Variants in DLGAP2 observed in about 807,000 individuals in gnomAD.
DLGAP2 encodes DLG associated protein 2, also known as disks large-associated protein 2.
A neutral mutation model predicts 100.3 loss-of-function variants in DLGAP2; 26 were observed. That is an observed-to-expected ratio of 0.26 (90% confidence interval 0.19 to 0.36). DLGAP2 has a LOEUF of 0.36. Ranked by LOEUF, DLGAP2 falls within the 10% of genes least tolerant of loss-of-function variation. DLGAP2 has a pLI of 1.00. For missense variants in DLGAP2, 1,858 were observed against 1,453.2 expected, an observed-to-expected ratio of 1.28 and a Z score of -4.53; for synonymous variants, 886 against 630.1, an observed-to-expected ratio of 1.41 and a Z score of -6.08.
chr8:1,378,773 C>G (rs989700453), intron 3 of DLGAP2, among the ~76,000 whole-genome samples: 1 of 152,206 alleles, frequency 6.6e-6, no homozygotes, highest in African/African-American at 2.4e-5. Context: ...TTCAGTCTTT[C>G]CTTATGCAGT....
At chr8:1,660,740 A>T (rs899681752) in intron 8 of DLGAP2, among the ~76,000 whole-genome samples, 1 of 152,238 alleles carries the variant, frequency 6.6e-6, no homozygotes, top group African/African-American at 2.4e-5. Flanking sequence ...TCCTACCAGG[A>T]CACATATTCC....
intron 4 of DLGAP2, among the ~76,000 whole-genome samples, chr8:1,533,217 A>C (rs1207796290): frequency 6.6e-6 from 1 of 152,024 alleles, no homozygotes; most frequent in Non-Finnish European, 1.5e-5. Context: ...TATGTTTTTC[A>C]ACCGGGCGCA....
rs765834271 is a variant in DLGAP2 at position 1,678,622 on chromosome 8, G to A, written c.2697G>A (p.Ser899=). 2.6e-5 allele frequency: 40 copies of A among 1,539,948 alleles called. No individual in the cohort carries two copies. The highest frequency in any genetic ancestry group is 1.2e-4 in the African/African-American group (9 of 72,992). Residue 899 remains serine (S), a synonymous_variant, in exon 12 of 15, where the codon TCG becomes TCA. Transcript: ENST00000637795. The part of the protein sequence containing the change: ...MEREAEENDL[S]EEILGKIRSA... The stretch of plus-strand genomic sequence containing the variant: ...GAGAGGCGGAGGAGAACGACCTCTC[G>A]GAGGAAAGTAAGAGCTCAGGCTTCC...
intron 3 of DLGAP2, among the ~76,000 whole-genome samples, chr8:1,265,079 G>C (rs1356340238): frequency 1.3e-5 from 2 of 152,066 alleles, no homozygotes; most frequent in African/African-American, 2.4e-5. Flanking sequence ...CCAGTCTCGA[G>C]TATTTCTTCA....
At chr8:1,250,306 C>G (rs763355239) in intron 2 of DLGAP2, 1 of 152,254 alleles carries the variant, frequency 6.6e-6, no homozygotes, top group Non-Finnish European at 1.5e-5. Flanking sequence ...CAGTTTGTCT[C>G]CAGAGCAACT....
chr8:1,260,847 C>T (rs1306251126), intron 3 of DLGAP2, among the ~76,000 whole-genome samples: 2 of 152,212 alleles, frequency 1.3e-5, no homozygotes, highest in African/African-American at 2.4e-5. Flanking sequence ...GGTGATCTGG[C>T]CCCATCAGGG....
chr8:813,992 C>G lies in DLGAP2; in HGVS notation c.18+76167C>G, dbSNP rs75355744. ...TCATCCCCTTAAAGGAGAAAACATA[C>G]TGAATTTTAATTTTAATGGTGACCT... On this transcript the variant is annotated intron_variant, in intron 1 of 14. Transcript: ENST00000637795. Among the ~76,000 whole-genome samples the G allele has an allele frequency of 5.9e-5, 9 of 152,176 alleles. No individual in the cohort carries two copies. The East Asian group carries it at 1.7e-3, about 29-fold the overall frequency.
chr8:1,064,513 A>G (rs1803184255), intron 2 of DLGAP2, among the ~76,000 whole-genome samples: 1 of 152,194 alleles, frequency 6.6e-6, no homozygotes, highest in African/African-American at 2.4e-5. Flanking sequence ...CATCCACTCA[A>G]ATGTTATTTA....
At chr8:1,288,995 A>G (rs1224355236) in intron 3 of DLGAP2, among the ~76,000 whole-genome samples, 1 of 152,250 alleles carries the variant, frequency 6.6e-6, no homozygotes, top group Non-Finnish European at 1.5e-5. Flanking sequence ...TGAATTTAAG[A>G]AAACCTCTAA....
chr8:1,118,930 A>G (rs1414969211), intron 2 of DLGAP2, among the ~76,000 whole-genome samples: 6 of 152,252 alleles, frequency 3.9e-5, no homozygotes, highest in African/African-American at 1.4e-4. Context: ...GAGACATAGC[A>G]TTATGCTTAC....
intron 2 of DLGAP2, among the ~76,000 whole-genome samples, chr8:1,165,312 A>C (rs1052828984): frequency 1.3e-5 from 2 of 151,876 alleles, no homozygotes; most frequent in African/African-American, 4.8e-5. Context: ...AGAGAGAGAG[A>C]GAGCACGCGC....
intron 8 of DLGAP2, among the ~76,000 whole-genome samples, chr8:1,655,280 A>G (rs755778384): frequency 6.6e-6 from 1 of 152,196 alleles, no homozygotes; most frequent in African/African-American, 2.4e-5. Flanking sequence ...TTGATCCTCT[A>G]TGTTGAATCT....
intron 2 of DLGAP2, among the ~76,000 whole-genome samples, chr8:987,646 CG>C (rs1800526725): frequency 6.6e-6 from 1 of 152,160 alleles, no homozygotes; most frequent in Non-Finnish European, 1.5e-5. Context: ...TACTGCAGCT[CG>C]TGGGAATCCT....
At chr8:888,025 G>T (rs532639121) in intron 1 of DLGAP2, among the ~76,000 whole-genome samples, 2 of 152,182 alleles carry the variant, frequency 1.3e-5, no homozygotes, top group Non-Finnish European at 2.9e-5. Context: ...TCAATCGTAG[G>T]TTTAATCTTT....
At chr8:1,596,877 C>T (rs1254581388) in intron 6 of DLGAP2, among the ~76,000 whole-genome samples, 2 of 152,162 alleles carry the variant, frequency 1.3e-5, no homozygotes, top group Non-Finnish European at 2.9e-5. Flanking sequence ...CATTAGATCC[C>T]ATTTGTCAAT....
Position 1,267,627 on chromosome 8 carries a change from T to TAAAAAA in DLGAP2, c.106+8745_106+8746insAAAAAA, listed in dbSNP as rs61003863. Among the ~76,000 whole-genome samples the TAAAAAA allele has an allele frequency of 6.7e-3, 265 of 39,362 alleles. 41 individuals are homozygous for TAAAAAA. The highest frequency in any genetic ancestry group is 0.011 in the African/African-American group (60 of 5,444). The allele number at this position is 39,362 out of a possible 152,430, so 25.8% of individuals were successfully genotyped here. ...ATAAGATAAGATAAGATAAGATAAATATTAAATAGGTCTACAAAAAGGCCT... is the reference window on the plus strand; with the variant it reads ...ATAAGATAAGATAAGATAAGATAAATAAAAAAATTAAATAGGTCTACAAAAAGGCCT... On this transcript the variant is annotated intron_variant, in intron 3 of 14. Transcript: ENST00000637795.
intron 1 of DLGAP2, among the ~76,000 whole-genome samples, chr8:891,026 C>G (rs990792168): frequency 2.0e-5 from 3 of 152,104 alleles, no homozygotes; most frequent in Admixed American, 2.0e-4. Flanking sequence ...TGATTCCCTC[C>G]CCTCATCCCT....
chr8:1,202,074 C>G lies in DLGAP2; in HGVS notation c.74-56777C>G, dbSNP rs116993252. Among the ~76,000 whole-genome samples, 359 of 151,042 alleles carry G rather than the reference C, an allele frequency of 2.4e-3. 11 individuals carry two copies. The East Asian group carries it at 0.051, about 21-fold the overall frequency. On this transcript the variant is annotated intron_variant, in intron 2 of 14. Transcript: ENST00000637795. ...TCTGTGTGATGTGTGTGTATGTGTACGCCTGTGGTGTGTGCAAGTGTGCAC... is the reference window on the plus strand; with the variant it reads ...TCTGTGTGATGTGTGTGTATGTGTAGGCCTGTGGTGTGTGCAAGTGTGCAC...
At chr8:1,688,957 G>A (rs180982985) in intron 12 of DLGAP2, among the ~76,000 whole-genome samples, 2 of 152,260 alleles carry the variant, frequency 1.3e-5, no homozygotes, top group Admixed American at 6.5e-5. Flanking sequence ...CATGAAATGC[G>A]GTTCTTTTTC....
Sources: allele counts gnomAD v4.1 joint callset (sites outside exome capture counted in the v4.1 genomes callset), GRCh38; gene constraint gnomAD v4.1.1; transcripts MANE v1.5; gene names NCBI Gene and HGNC (gene_info 2026-07-23, HGNC 2026-07-21).